EPB41L1: variants seen among roughly 807,000 people sequenced by gnomAD.
EPB41L1 encodes the protein band 4.1-like protein 1.
Under a neutral mutation model 97.8 loss-of-function variants are expected in EPB41L1, and 29 were observed. The ratio of observed to expected loss-of-function variants is 0.30; its 90% CI spans 0.22 to 0.40. The LOEUF (loss-of-function observed/expected upper bound fraction) is 0.40. EPB41L1 is among the 10% of genes least tolerant of loss of function. EPB41L1 has a pLI of 1.00. For missense variants in EPB41L1, 812 were observed against 1,162.3 expected (o/e 0.70, Z 4.38); for synonymous variants, 383 against 459.2 (o/e 0.83, Z 2.12).
chr20:36,117,184 G>A (rs2058612525), intron 2 of EPB41L1, among the ~76,000 whole-genome samples: 1 of 152,116 alleles, frequency 6.6e-6, no homozygotes, highest in African/African-American at 2.4e-5. Flanking sequence ...TACCCTAGCT[G>A]CTCTCCATCC....
At chr20:36,215,368 A>C (rs1214656095) in intron 17 of EPB41L1, among the ~76,000 whole-genome samples, 4 of 152,246 alleles carry the variant, frequency 2.6e-5, no homozygotes, top group East Asian at 1.9e-4. Flanking sequence ...CATCAGCCGC[A>C]TGGGGCTGGG....
intron 2 of EPB41L1, among the ~76,000 whole-genome samples, chr20:36,145,035 C>G (rs910002370): frequency 6.6e-6 from 1 of 152,068 alleles, no homozygotes; most frequent in African/African-American, 2.4e-5. Context: ...CTCCAGTGTG[C>G]GTTAGAATCA....
intron 1 of EPB41L1, among the ~76,000 whole-genome samples, chr20:36,160,975 C>CT (rs2060502587): frequency 6.6e-6 from 1 of 152,230 alleles, no homozygotes; most frequent in South Asian, 2.1e-4. Context: ...TAACTGAACT[C>CT]TAACAGTATT....
rs555163141 is a variant in EPB41L1 at position 36,116,072 on chromosome 20, A to G, written c.-10+3592A>G. Among the ~76,000 whole-genome samples the G allele has an allele frequency of 3.9e-4, 59 of 152,330 alleles. 2 individuals are homozygous for G. In the South Asian group the frequency reaches 6.2e-3, roughly 16 times the overall value. On this transcript the variant is annotated intron_variant, in intron 2 of 19. Coordinates refer to the EPB41L1 transcript ENST00000202028. ...GTACTACAACCCAGTGCAGTCAGCTATGTCCCCTAGAGGGGAATACATGTG... is the reference window on the plus strand; with the variant it reads ...GTACTACAACCCAGTGCAGTCAGCTGTGTCCCCTAGAGGGGAATACATGTG...
At chr20:36,140,592 T>A (rs561517060) in intron 2 of EPB41L1, among the ~76,000 whole-genome samples, 4 of 152,324 alleles carry the variant, frequency 2.6e-5, no homozygotes, top group South Asian at 4.1e-4. Flanking sequence ...AATATTAATA[T>A]TCTGGTTGGA....
intron 1 of EPB41L1, among the ~76,000 whole-genome samples, chr20:36,158,904 T>C (rs752697): frequency 0.41 from 62,905 of 152,100 alleles, 16,413 homozygotes; most frequent in African/African-American, 0.75. Flanking sequence ...GCTCTAGGAA[T>C]CTTTGCAGGA....
intron 17 of EPB41L1, 130 bp downstream of exon 17, chr20:36,214,570 A>G (rs574739388): frequency 1.2e-5 from 9 of 757,988 alleles, no homozygotes; most frequent in South Asian, 9.0e-5. Flanking sequence ...GGCATGGGAC[A>G]TAAGTCAGCT....
In EPB41L1 at chr20:36,207,212, C is replaced by T. The variant is rs754776842; in HGVS notation, c.1669-2276C>T. 11 of 1,283,734 alleles carry T rather than the reference C, an allele frequency of 8.6e-6. No homozygotes were observed. The African/African-American group carries it at 9.1e-5, about 11-fold the overall frequency. The allele number at this position is 1,283,734 out of a possible 1,614,324, so 79.5% of individuals were successfully genotyped here. On this transcript the variant is annotated intron_variant, in intron 14 of 21. Coordinates refer to ENST00000338074, the MANE Select transcript of EPB41L1 (RefSeq NM_012156.2). This position sits in a 1 kb window ranked among gnomAD's most constrained non-coding sequence, Gnocchi z 4.9. ...CCCTTTCTTAGACATGTCCATCTTT[C>T]GAAAGCCAGCCCAGAGCCCAAGGAC...
At chr20:36,160,441 C>T (rs765860744) in intron 1 of EPB41L1, among the ~76,000 whole-genome samples, 116 of 152,080 alleles carry the variant, frequency 7.6e-4, no homozygotes, top group Non-Finnish European at 3.5e-4. Context: ...AAAAGTTAGC[C>T]GGGCATGGTG....
intron 2 of EPB41L1, among the ~76,000 whole-genome samples, chr20:36,128,744 G>A (rs990985139): frequency 6.6e-6 from 1 of 152,232 alleles, no homozygotes; most frequent in Non-Finnish European, 1.5e-5. Context: ...TTGAGGGTCA[G>A]AGAGGACTTC....
At chr20:36,225,486 G>A (rs545942612) in intron 21 of EPB41L1, among the ~76,000 whole-genome samples, 6 of 152,252 alleles carry the variant, frequency 3.9e-5, no homozygotes, top group East Asian at 1.9e-4. Context: ...TAGGGAGTCC[G>A]CGTGCAGCCA....
At chr20:36,163,121 C>T (rs960872547) in intron 1 of EPB41L1, among the ~76,000 whole-genome samples, 1 of 144,220 alleles carries the variant, frequency 6.9e-6, no homozygotes, top group African/African-American at 2.6e-5. Flanking sequence ...CTAATAGGCA[C>T]TCTTTCTGTT....
chr20:36,232,302 C>T lies in EPB41L1; in HGVS notation c.*2962C>T, dbSNP rs893066288. On this transcript the variant is annotated 3_prime_UTR_variant, in exon 22 of 22. Transcript: ENST00000338074. ...GGCCATGTAGCATAGTGGAAAAAGT[C>T]CCTGAGGGCGGTTAGGAGTTCTGGG... The T allele has an allele frequency of 7.7e-5, 22 of 284,598 alleles. No homozygotes were observed. The highest frequency in any genetic ancestry group is 1.2e-4 in the Non-Finnish European group (18 of 154,852). 17.6% of individuals were successfully genotyped at this position (284,598 alleles called of 1,614,324 possible). A position where few individuals can be genotyped will look rare whatever the true frequency, so the allele number is the denominator to read the frequency against.
chr20:36,192,552 AAAG>A (rs2062010890), intron 11 of EPB41L1, among the ~76,000 whole-genome samples: 1 of 151,218 alleles, frequency 6.6e-6, no homozygotes, highest in Admixed American at 6.6e-5. Flanking sequence ...AAAAAAAAAA[AAAG>A]GTGGAAAGTG....
chr20:36,206,453 C>T lies in EPB41L1; in HGVS notation c.1669-3035C>T, dbSNP rs1482529715. On this transcript the variant is annotated intron_variant, in intron 14 of 21. Transcript: ENST00000338074. This position sits in a 1 kb window ranked among gnomAD's most constrained non-coding sequence, Gnocchi z 5.5. ...GAGTTGAGCAATGAAACTGATACTT[C>T]CTTTGCAGAGAGGAGCTTCTATTTA... The T allele has an allele frequency of 4.7e-6, 6 of 1,289,774 alleles. No homozygotes were observed. The highest frequency in any genetic ancestry group is 4.6e-5 in the Admixed American group (2 of 43,544). 79.9% of individuals were successfully genotyped at this position (1,289,774 alleles called of 1,614,324 possible). A position where few individuals can be genotyped will look rare whatever the true frequency, so the allele number is the denominator to read the frequency against.
chr20:36,123,239 G>T (rs1375332117), intron 2 of EPB41L1, among the ~76,000 whole-genome samples: 1 of 152,038 alleles, frequency 6.6e-6, no homozygotes. Flanking sequence ...GCTGCCTCCT[G>T]TTCCTCCCGA....
intron 21 of EPB41L1, among the ~76,000 whole-genome samples, chr20:36,225,355 T>C (rs962459089): frequency 2.6e-5 from 4 of 152,162 alleles, no homozygotes; most frequent in African/African-American, 9.7e-5. Flanking sequence ...GTGTATCACC[T>C]GGGGAAGCCT....
chr20:36,229,226 C>T, intron 21 of EPB41L1, 106 bp from the exon 22 acceptor site: 1 of 947,042 alleles, frequency 1.1e-6, no homozygotes, highest in East Asian at 2.6e-5. Flanking sequence ...AACCTCTTGC[C>T]ATGTATTTTA....
intron 1 of EPB41L1, among the ~76,000 whole-genome samples, chr20:36,156,996 C>T (rs1713278395): frequency 6.6e-6 from 1 of 152,124 alleles, no homozygotes; most frequent in Non-Finnish European, 1.5e-5. Context: ...GAGGACGAGG[C>T]GGGCAGATCA....
Sources: gnomAD v4.1 joint callset for allele counts (sites outside exome capture counted in the v4.1 genomes callset) on GRCh38, gnomAD v4.1.1 for gene constraint, Gnocchi (gnomAD v3.1) non-coding constraint, MANE v1.5 for transcripts, NCBI Gene and HGNC (gene_info 2026-07-23, HGNC 2026-07-21) for gene names.